Variants in RORA observed in about 807,000 individuals in gnomAD.
The protein encoded by RORA is RAR related orphan receptor A.
A neutral mutation model predicts 69.5 loss-of-function variants in RORA; 7 were observed. The ratio of observed to expected loss-of-function variants is 0.10; its 90% CI spans 0.06 to 0.19. The LOEUF is 0.19. Among genes scored for constraint, RORA ranks in the 10% least tolerant of loss-of-function variants. The pLI is 1.00. For missense variants in RORA, 457 were observed against 663.0 expected (o/e 0.69, Z 3.41); for synonymous variants, 261 against 240.8 (o/e 1.08, Z -0.78).
At chr15:60,784,217 C>CA (rs2072304383) in intron 1 of RORA, among the ~76,000 whole-genome samples, 1 of 152,078 alleles carries the variant, frequency 6.6e-6, no homozygotes, top group Non-Finnish European at 1.5e-5. Flanking sequence ...GGAAAGATGA[C>CA]AAAAAATAGA....
intron 1 of RORA, among the ~76,000 whole-genome samples, chr15:61,191,291 T>C (rs1283524498): frequency 6.6e-6 from 1 of 152,006 alleles, no homozygotes; most frequent in Non-Finnish European, 1.5e-5. Flanking sequence ...ACTCAGGAAT[T>C]GTCATCTGTA....
chr15:61,016,949 G>A lies in RORA; in HGVS notation c.166+212104C>T, dbSNP rs562860339. 9.3e-4 allele frequency among the ~76,000 whole-genome samples: 141 copies of A among 152,234 alleles called. 5 individuals carry two copies. The South Asian group carries it at 0.028, about 30-fold the overall frequency. On this transcript the variant is annotated intron_variant, in intron 1 of 10. Transcript: ENST00000335670. The stretch of plus-strand genomic sequence containing the variant: ...AGCCGAAGACGTATGAATGAATAAA[G>A]AAATGAATGAATATTTTTATTCCAA...
At chr15:60,847,378 T>A (rs1023771142) in intron 1 of RORA, among the ~76,000 whole-genome samples, 1 of 151,882 alleles carries the variant, frequency 6.6e-6, no homozygotes, top group African/African-American at 2.4e-5. Context: ...AGAGGACACA[T>A]CCTTTCTAGA....
intron 2 of RORA, among the ~76,000 whole-genome samples, chr15:60,562,528 C>T (rs1029322043): frequency 2.0e-5 from 3 of 152,008 alleles, no homozygotes; most frequent in Non-Finnish European, 2.9e-5. Flanking sequence ...CTCTGCCTCC[C>T]GGGTTCAGGC....
At chr15:60,615,094 G>T in intron 2 of RORA, 3 of 1,574,440 alleles carry the variant, frequency 1.9e-6, no homozygotes, top group Non-Finnish European at 2.6e-6. Flanking sequence ...GAACCTGGTG[G>T]TGGATCAGCT....
intron 1 of RORA, among the ~76,000 whole-genome samples, chr15:61,095,702 G>A (rs1022449904): frequency 1.3e-5 from 2 of 152,152 alleles, no homozygotes; most frequent in Non-Finnish European, 2.9e-5. Context: ...AATCCTATAG[G>A]CAAATCAGAT....
rs1459509033 is a variant in RORA at position 60,496,242 on chromosome 15, T to C, written c.*1213A>G. 6.6e-6 allele frequency: 1 copy of C among 152,224 alleles called. No homozygotes were observed. Among genetic ancestry groups the C allele is most frequent in the Non-Finnish European group, 1.5e-5 (1 of 68,042 alleles). 9.4% of individuals were successfully genotyped at this position (152,224 alleles called of 1,614,324 possible). ...AAACATTCACAAAGTAAATACTTCA[T>C]GTCCTCACATGGGGAGTGTGCATTT... is the stretch of plus-strand genomic sequence containing the variant. On this transcript the variant is annotated 3_prime_UTR_variant, in exon 11 of 11. Coordinates refer to ENST00000335670, the MANE Select transcript of RORA (RefSeq NM_134261.3). The surrounding 1 kb of genome is among the most constrained non-coding windows in gnomAD (Gnocchi z 4.5).
chr15:60,973,655 A>C (rs920542143), intron 1 of RORA, among the ~76,000 whole-genome samples: 1 of 152,184 alleles, frequency 6.6e-6, no homozygotes, highest in Non-Finnish European at 1.5e-5. Context: ...CTTACAACAG[A>C]AGTTGCCCTC....
chr15:60,944,691 C>T (rs1037462415), intron 1 of RORA, among the ~76,000 whole-genome samples: 4 of 111,644 alleles, frequency 3.6e-5, no homozygotes, highest in Non-Finnish European at 7.6e-5. Context: ...TACCACTGTA[C>T]TCCAAAAAAA....
chr15:60,711,671 A>G (rs1237733702), intron 1 of RORA, among the ~76,000 whole-genome samples: 1 of 152,172 alleles, frequency 6.6e-6, no homozygotes, highest in African/African-American at 2.4e-5. Flanking sequence ...GATTGCATCT[A>G]TCCTTCAGTT....
At chr15:60,608,211 G>A (rs1196911313) in intron 2 of RORA, among the ~76,000 whole-genome samples, 2 of 152,168 alleles carry the variant, frequency 1.3e-5, no homozygotes, top group African/African-American at 4.8e-5. Context: ...ACATGGACGC[G>A]GAGCTCAGAT....
At chr15:61,122,239 G>A (rs1450827806) in intron 1 of RORA, among the ~76,000 whole-genome samples, 3 of 152,066 alleles carry the variant, frequency 2.0e-5, no homozygotes, top group South Asian at 2.1e-4. Flanking sequence ...TTCACTCCCC[G>A]TTCTATTTCT....
intron 1 of RORA, among the ~76,000 whole-genome samples, chr15:61,187,806 C>T (rs1335217115): frequency 6.6e-6 from 1 of 152,254 alleles, no homozygotes; most frequent in African/African-American, 2.4e-5. Context: ...CCCAGAAGCA[C>T]CCTGGGGGCT....
At chr15:61,029,559 G>T in intron 1 of RORA, among the ~76,000 whole-genome samples, 1 of 152,118 alleles carries the variant, frequency 6.6e-6, no homozygotes, top group East Asian at 1.9e-4. Context: ...TTATGTGTAG[G>T]CCAGTTGAGA....
At chr15:61,043,719 G>A (rs1896892030) in intron 1 of RORA, among the ~76,000 whole-genome samples, 1 of 152,212 alleles carries the variant, frequency 6.6e-6, no homozygotes, top group African/African-American at 2.4e-5. Context: ...ACTTATAAAA[G>A]CACAGAGTGC....
chr15:60,630,715 A>G (rs978671965), intron 2 of RORA: 2 of 152,250 alleles, frequency 1.3e-5, no homozygotes, highest in Non-Finnish European at 2.9e-5. Flanking sequence ...TCTCATATAC[A>G]GCTCAGGAAC....
rs534606505 is a variant in RORA, at chr15:60,537,998, A to G, written c.197-6147T>C. ...ATTTTGGTGCTTTCAACATCCCTAA[A>G]GGAGGCAGATAGGTATTATCATCCC... On this transcript the variant is annotated intron_variant, in intron 2 of 10. Transcript: ENST00000335670. This position sits in a 1 kb window ranked among gnomAD's most constrained non-coding sequence, Gnocchi z 4.9. Among the ~76,000 whole-genome samples, 2 of 152,276 alleles carry G rather than the reference A, an allele frequency of 1.3e-5. No homozygotes were observed. The highest frequency in any genetic ancestry group is 4.2e-4 in the South Asian group (2 of 4,816).
At chr15:60,771,601 CA>C (rs1376977007) in intron 1 of RORA, among the ~76,000 whole-genome samples, 1 of 152,202 alleles carries the variant, frequency 6.6e-6, no homozygotes, top group Non-Finnish European at 1.5e-5. Flanking sequence ...TCATGTTTCT[CA>C]CACTTCTTTC....
intron 2 of RORA, among the ~76,000 whole-genome samples, chr15:60,542,124 C>T (rs1159366391): frequency 6.6e-6 from 1 of 152,214 alleles, no homozygotes; most frequent in African/African-American, 2.4e-5. Flanking sequence ...ATACCATTCA[C>T]ACACTTTGGT....
Sources: allele counts gnomAD v4.1 joint callset (sites outside exome capture counted in the v4.1 genomes callset), GRCh38; gene constraint gnomAD v4.1.1; non-coding constraint Gnocchi (gnomAD v3.1); transcripts MANE v1.5; gene names NCBI Gene and HGNC (gene_info 2026-07-23, HGNC 2026-07-21).